UROS: variants seen among roughly 807,000 people sequenced by gnomAD.
UROS encodes uroporphyrinogen III synthase.
Under a neutral mutation model 33.0 loss-of-function variants are expected in UROS, and 18 were observed. The observed-to-expected ratio is 0.55, with a 90% CI of 0.38 to 0.81. The LOEUF is 0.81. Ranked by LOEUF, UROS falls within the 30% of genes least tolerant of loss-of-function variation. UROS has a pLI of 0.00. For missense variants in UROS, 293 were observed against 314.9 expected, an observed-to-expected ratio of 0.93 and a Z score of 0.53; for synonymous variants, 114 against 121.1, an observed-to-expected ratio of 0.94 and a Z score of 0.38.
At chr10:125,821,465 T>C (rs749883501) in intron 1 of UROS, among the ~76,000 whole-genome samples, 2 of 152,222 alleles carry the variant, frequency 1.3e-5, no homozygotes, top group Admixed American at 6.5e-5. Flanking sequence ...AGAAAGGTCA[T>C]GGAGGGAAAA....
chr10:125,802,213 G>A lies in UROS; in HGVS notation c.395-4068C>T, dbSNP rs147113736. The A allele has an allele frequency of 7.2e-4, 705 of 985,490 alleles. 12 individuals carry two copies. In the South Asian group the frequency reaches 0.024, roughly 33 times the overall value. 61.0% of individuals were successfully genotyped at this position (985,490 alleles called of 1,614,324 possible). ...ATCCTGTACCAGGAACCCCTGGAGC[G>A]AACCCTCCACACTGATGTGTGGCTC... is the stretch of plus-strand genomic sequence containing the variant. On this transcript the variant is annotated intron_variant, in intron 6 of 9. Transcript: ENST00000368797.
At position 125,815,057 on chromosome 10, in the gene UROS, A is replaced by G; in HGVS notation, c.221T>C (p.Leu74Ser). 1 of 1,614,206 alleles carries G rather than the reference A, an allele frequency of 6.2e-7. No individual in the cohort carries two copies. The highest frequency in any genetic ancestry group is 1.1e-5 in the South Asian group (1 of 91,086). ...ACCTTCAGTTTTATTGTTTTGCTCCAAACATAACTCTGCTGCTTCCACTGC... is the reference window on the plus strand; with the variant it reads ...ACCTTCAGTTTTATTGTTTTGCTCCGAACATAACTCTGCTGCTTCCACTGC... ...PRAVEAAELC[L>S]EQNNKTEVWE... The change falls in exon 4 of 10, where the codon TTG becomes TCG. Residue 74 changes from leucine to serine, a missense_variant. Transcript: ENST00000368797.
chr10:125,814,138 G>T (rs1853080673), intron 4 of UROS, among the ~76,000 whole-genome samples: 1 of 152,324 alleles, frequency 6.6e-6, no homozygotes, highest in Non-Finnish European at 1.5e-5. Context: ...CGCACAGAGT[G>T]AGCATTCAGT....
chr10:125,789,042 C>A (rs200284638), intron 9 of UROS, 37 bp from the exon 10 acceptor site: 8 of 1,610,736 alleles, frequency 5.0e-6, no homozygotes, highest in East Asian at 4.5e-5. Context: ...CTTCAGCACA[C>A]CAGGAGGGGC....
At chr10:125,816,331 T>C (rs2133948492) in intron 2 of UROS, 71 bp from the exon 3 acceptor site, 9 of 1,600,012 alleles carry the variant, frequency 5.6e-6, no homozygotes, top group Non-Finnish European at 6.9e-6. Context: ...AACAATTTAT[T>C]CTGCGTCAGT....
chr10:125,810,193 G>T (rs1852681472), intron 5 of UROS, among the ~76,000 whole-genome samples: 1 of 152,186 alleles, frequency 6.6e-6, no homozygotes, highest in African/African-American at 2.4e-5. Flanking sequence ...CCGCTTGAGT[G>T]TGGGCTGGAC....
intron 5 of UROS, 93 bp from the exon 6 acceptor site, chr10:125,807,580 C>T (rs1852444927): frequency 1.0e-6 from 1 of 954,746 alleles, no homozygotes; most frequent in East Asian, 2.4e-5. Flanking sequence ...CACAGGTATG[C>T]AGTTTACAAA....
At chr10:125,801,894 C>A (rs112909935) in intron 6 of UROS, among the ~76,000 whole-genome samples, 1 of 152,206 alleles carries the variant, frequency 6.6e-6, no homozygotes, top group South Asian at 2.1e-4. Context: ...TAATGAACAA[C>A]GACTCAGAGG....
chr10:125,814,967 A>T, intron 4 of UROS, 67 bp downstream of exon 4: 1 of 1,528,458 alleles, frequency 6.5e-7, no homozygotes, highest in Non-Finnish European at 9.0e-7. Context: ...TCTGGAATTT[A>T]GTCTCCCAGC....
At chr10:125,820,955 C>A (rs1853821762) in intron 1 of UROS, among the ~76,000 whole-genome samples, 1 of 152,192 alleles carries the variant, frequency 6.6e-6, no homozygotes, top group Non-Finnish European at 1.5e-5. Flanking sequence ...TTCTAATTCA[C>A]ACTTTGACCA....
At chr10:125,795,404 G>C (rs779750785) in intron 8 of UROS, among the ~76,000 whole-genome samples, 11 of 152,208 alleles carry the variant, frequency 7.2e-5, no homozygotes, top group Non-Finnish European at 1.6e-4. Context: ...TTTGCATTTG[G>C]TTTGTCCTAT....
intron 6 of UROS, among the ~76,000 whole-genome samples, chr10:125,805,322 AG>A (rs1852227758): frequency 6.6e-6 from 1 of 152,194 alleles, no homozygotes; most frequent in African/African-American, 2.4e-5. Context: ...GAGTGGATGG[AG>A]GTGCTTGGCC....
intron 5 of UROS, among the ~76,000 whole-genome samples, chr10:125,810,086 C>G (rs767391283): frequency 6.6e-6 from 1 of 152,186 alleles, no homozygotes; most frequent in Non-Finnish European, 1.5e-5. Flanking sequence ...GATTCCCAGG[C>G]TCTAGGGAGC....
At chr10:125,813,909 C>T (rs2133935255) in intron 4 of UROS, among the ~76,000 whole-genome samples, 1 of 152,344 alleles carries the variant, frequency 6.6e-6, no homozygotes, top group Non-Finnish European at 1.5e-5. Flanking sequence ...ATAACCAAAA[C>T]TCACCACTGT....
intron 5 of UROS, 36 bp downstream of exon 5, chr10:125,812,178 A>AT (rs1554887777): frequency 1.1e-5 from 18 of 1,591,962 alleles, no homozygotes; most frequent in Non-Finnish European, 1.5e-5. Context: ...AGGCTAAGCC[A>AT]TTTTTTGTTG....
At chr10:125,802,962 T>C (rs1851966557) in intron 6 of UROS, 2 of 1,612,722 alleles carry the variant, frequency 1.2e-6, no homozygotes, top group East Asian at 4.5e-5. Context: ...CAATGATTCA[T>C]CAGCATAAGG....
intron 9 of UROS, 149 bp from the exon 10 acceptor site, chr10:125,789,154 G>A (rs539240180): frequency 7.8e-6 from 11 of 1,418,518 alleles, no homozygotes; most frequent in African/African-American, 4.2e-5. Flanking sequence ...AACACTGCCC[G>A]ATTCTAGCCC....
chr10:125,815,815 A>G (rs1853266553), intron 3 of UROS, among the ~76,000 whole-genome samples: 2 of 152,210 alleles, frequency 1.3e-5, no homozygotes, highest in Admixed American at 6.5e-5. Context: ...CCCAATCTCT[A>G]AAACGGGAAA....
At chr10:125,803,692 C>T (rs1852048548) in intron 6 of UROS, among the ~76,000 whole-genome samples, 1 of 152,222 alleles carries the variant, frequency 6.6e-6, no homozygotes, top group Non-Finnish European at 1.5e-5. Flanking sequence ...GTCTGACCCG[C>T]AGGGGCTGAT....
Sources: allele counts gnomAD v4.1 joint callset (sites outside exome capture counted in the v4.1 genomes callset), GRCh38; gene constraint gnomAD v4.1.1; transcripts MANE v1.5; gene names NCBI Gene and HGNC (gene_info 2026-07-23, HGNC 2026-07-21).